CNIH3: variants seen among roughly 807,000 people sequenced by gnomAD.
CNIH3 encodes the protein protein cornichon homolog 3.
In CNIH3, 14 loss-of-function variants were observed where a neutral mutation model predicts 24.1. The observed-to-expected ratio is 0.58, with a 90% CI of 0.38 to 0.91. The LOEUF (loss-of-function observed/expected upper bound fraction) is 0.91. CNIH3 is among the 40% of genes least tolerant of loss of function. The pLI is 0.00. For missense variants in CNIH3, 178 were observed against 196.8 expected, an observed-to-expected ratio of 0.90 and a Z score of 0.57; for synonymous variants, 68 against 73.8, an observed-to-expected ratio of 0.92 and a Z score of 0.40.
At chr1:224,582,509 C>T (rs1312992736) in intron 4 of CNIH3, among the ~76,000 whole-genome samples, 1 of 152,126 alleles carries the variant, frequency 6.6e-6, no homozygotes, top group Non-Finnish European at 1.5e-5. Context: ...GGGCGGTAGC[C>T]TGTGTGCAAT....
At chr1:224,654,091 A>AG (rs1422052244) in intron 1 of CNIH3, among the ~76,000 whole-genome samples, 5 of 152,014 alleles carry the variant, frequency 3.3e-5, no homozygotes, top group Non-Finnish European at 5.9e-5. Flanking sequence ...AAAAAAAAAA[A>AG]AAAGATTTGG....
At chr1:224,528,372 G>A (rs1233823713) in intron 2 of CNIH3, among the ~76,000 whole-genome samples, 1 of 152,148 alleles carries the variant, frequency 6.6e-6, no homozygotes, top group Non-Finnish European at 1.5e-5. Context: ...ACAGGTTGGA[G>A]TGCAGTGGTG....
chr1:224,701,263 A>G (rs914285822), intron 3 of CNIH3, among the ~76,000 whole-genome samples: 6 of 150,850 alleles, frequency 4.0e-5, no homozygotes, highest in African/African-American at 7.3e-5. Flanking sequence ...CTCAGTGGCT[A>G]TCTTTGTGCT....
intron 2 of CNIH3, among the ~76,000 whole-genome samples, chr1:224,544,531 A>G (rs1040752313): frequency 4.6e-5 from 7 of 152,310 alleles, no homozygotes; most frequent in African/African-American, 1.7e-4. Context: ...CAATTCAGGA[A>G]ATTGGTAACA....
In CNIH3 at chr1:224,672,655, C is replaced by G. The variant is rs560508182; in HGVS notation, c.82-8303C>G. On this transcript the variant is annotated intron_variant, in intron 1 of 5. Transcript: ENST00000272133. ...CTTCACTGTGTGGCTTTTTTTCTAT[C>G]TCATAAAGATGACCCCATCTTTTCT... Among the ~76,000 whole-genome samples the G allele has an allele frequency of 3.3e-5, 5 of 152,246 alleles. No individual in the cohort carries two copies. In the East Asian group the frequency reaches 9.6e-4, roughly 29 times the overall value.
intron 3 of CNIH3, among the ~76,000 whole-genome samples, chr1:224,564,977 A>C (rs547309421): frequency 3.1e-4 from 47 of 152,346 alleles, no homozygotes; most frequent in African/African-American, 1.1e-3. Flanking sequence ...ACTGCATCCC[A>C]GTCCCCTTCA....
At chr1:224,721,636 T>G (rs950003507) in intron 3 of CNIH3, among the ~76,000 whole-genome samples, 2 of 152,084 alleles carry the variant, frequency 1.3e-5, no homozygotes, top group South Asian at 4.2e-4. Context: ...AAAACAATTA[T>G]AAAAGGAAGG....
At position 224,617,055 on chromosome 1, in the gene CNIH3, G is replaced by T; in HGVS notation, c.-120G>T. ...GCTTCGCTAGCTGTGCGCCCTCCTG[G>T]GCACTAGCCTGGAGAGGAGCGTGCA... On this transcript the variant is annotated 5_prime_UTR_variant, in exon 1 of 6. Transcript: ENST00000272133. 6.8e-7 allele frequency: 1 copy of T among 1,474,856 alleles called. No homozygotes were observed. The allele number at this position is 1,474,856 out of a possible 1,614,324, so 91.4% of individuals were successfully genotyped here. A position where few individuals can be genotyped will look rare whatever the true frequency, so the allele number is the denominator to read the frequency against.
intron 1 of CNIH3, among the ~76,000 whole-genome samples, chr1:224,456,223 C>G (rs1052170266): frequency 1.3e-5 from 2 of 152,218 alleles, no homozygotes; most frequent in Non-Finnish European, 2.9e-5. Context: ...ACACCACCTC[C>G]TGCTTCTTTT....
intron 1 of CNIH3, among the ~76,000 whole-genome samples, chr1:224,473,282 A>G (rs1676440118): frequency 6.6e-6 from 1 of 151,868 alleles, no homozygotes; most frequent in Non-Finnish European, 1.5e-5. Context: ...AGAAGACCAT[A>G]AAACAACCAG....
At chr1:224,467,546 C>T (rs1367910073) in intron 1 of CNIH3, among the ~76,000 whole-genome samples, 5 of 152,206 alleles carry the variant, frequency 3.3e-5, no homozygotes, top group Non-Finnish European at 7.3e-5. Flanking sequence ...GCCTCAGCCT[C>T]CTGAGTTGCT....
chr1:224,485,094 G>C (rs764724883), intron 1 of CNIH3, among the ~76,000 whole-genome samples: 1 of 152,084 alleles, frequency 6.6e-6, no homozygotes, highest in Non-Finnish European at 1.5e-5. Context: ...ATATTTTTGA[G>C]CTTTATTTTG....
At chr1:224,538,259 A>T (rs1327229513), downstream of CNIH3, among the ~76,000 whole-genome samples, 1 of 151,664 alleles carries the variant, frequency 6.6e-6, no homozygotes, top group East Asian at 1.9e-4. Flanking sequence ...CAGACATGTT[A>T]ATTAAAGTGG....
downstream of CNIH3, among the ~76,000 whole-genome samples, chr1:224,592,926 G>A (rs1454639470): frequency 6.6e-6 from 1 of 152,152 alleles, no homozygotes; most frequent in Non-Finnish European, 1.5e-5. Context: ...GGCTCATTGT[G>A]ATCTGTTTAC....
intron 3 of CNIH3, among the ~76,000 whole-genome samples, chr1:224,696,116 G>A (rs1687167448): frequency 6.6e-6 from 1 of 152,126 alleles, no homozygotes; most frequent in African/African-American, 2.4e-5. Context: ...AATGGGGTGG[G>A]TGGGACTCGG....
intron 2 of CNIH3, among the ~76,000 whole-genome samples, chr1:224,530,179 G>A (rs1679008963): frequency 1.3e-5 from 2 of 152,220 alleles, no homozygotes; most frequent in African/African-American, 4.8e-5. Flanking sequence ...GTCGTTTCCA[G>A]GAGGAATGCC....
At chr1:224,439,538 G>A (rs529461467) in intron 1 of CNIH3, among the ~76,000 whole-genome samples, 30 of 149,296 alleles carry the variant, frequency 2.0e-4, no homozygotes, top group Admixed American at 5.3e-4. Flanking sequence ...AGTATGGGCC[G>A]TATTAAAAAA....
chr1:224,504,527 T>G (rs1291538886), intron 1 of CNIH3, among the ~76,000 whole-genome samples: 9 of 152,016 alleles, frequency 5.9e-5, no homozygotes, highest in Admixed American at 1.3e-4. Context: ...ACTGCTCCCA[T>G]GACCCCCTCC....
At chr1:224,675,913 A>C (rs1686115782) in intron 1 of CNIH3, among the ~76,000 whole-genome samples, 1 of 152,250 alleles carries the variant, frequency 6.6e-6, no homozygotes, top group African/African-American at 2.4e-5. Context: ...AAAATAGTGC[A>C]GCCACTTTGG....
Sources: allele counts gnomAD v4.1 joint callset (sites outside exome capture counted in the v4.1 genomes callset), GRCh38; gene constraint gnomAD v4.1.1; transcripts MANE v1.5; gene names NCBI Gene and HGNC (gene_info 2026-07-23, HGNC 2026-07-21).